Variants in PSG5 observed in about 807,000 individuals in gnomAD.
The protein encoded by PSG5 is pregnancy specific beta-1-glycoprotein 5, also known as pregnancy-specific beta-1-glycoprotein 5.
PSG5 carries 53 observed loss-of-function variants against 37.7 expected under a neutral mutation model. That is an observed-to-expected ratio of 1.41 (90% CI 1.13 to 1.77). PSG5 has a LOEUF of 1.77. Ranked by LOEUF, PSG5 falls within the 40% of genes most tolerant of loss-of-function variation. PSG5 has a pLI of 0.00. For missense variants in PSG5, 547 were observed against 405.2 expected, an observed-to-expected ratio of 1.35 and a Z score of -3.00; for synonymous variants, 221 against 155.4, an observed-to-expected ratio of 1.42 and a Z score of -3.14.
At chr19:43,172,166 T>C (rs1443013116) in intron 4 of PSG5, among the ~76,000 whole-genome samples, 2 of 151,350 alleles carry the variant, frequency 1.3e-5, no homozygotes, top group Non-Finnish European at 2.9e-5. Flanking sequence ...AGTAATAAGA[T>C]TGAATCAATA....
chr19:43,186,531 C>A lies in PSG5; in HGVS notation c.-126G>T, dbSNP rs1244711062. 2.2e-5 allele frequency: 32 copies of A among 1,451,948 alleles called. 1 individual carries two copies. The highest frequency in any genetic ancestry group is 2.8e-5 in the Non-Finnish European group (30 of 1,081,698). The allele number at this position is 1,451,948 out of a possible 1,614,324, so 89.9% of individuals were successfully genotyped here. On this transcript the variant is annotated 5_prime_UTR_variant, in exon 1 of 6. Coordinates refer to ENST00000342951, the MANE Select transcript of PSG5 (RefSeq NM_002781.4). The stretch of plus-strand genomic sequence containing the variant: ...TGAGCCTCTCTCCAGGGCAGGAGCA[C>A]TTCTCAGGCTCATGGGTGGGGTCAG...
At chr19:43,170,170 A>C in intron 4 of PSG5, 32 bp from the exon 5 acceptor site, 1 of 1,541,282 alleles carries the variant, frequency 6.5e-7, no homozygotes, top group Non-Finnish European at 8.9e-7. Context: ...AGAAGGAATG[A>C]AGGTGATGTT....
At chr19:43,174,856 T>A in intron 4 of PSG5, 1 of 1,196,978 alleles carries the variant, frequency 8.4e-7, no homozygotes, top group Admixed American at 3.2e-5. Flanking sequence ...ATGGAATAGG[T>A]ACAAGGAAAC....
chr19:43,179,754 C>A (rs914129794), intron 2 of PSG5, among the ~76,000 whole-genome samples: 2 of 151,606 alleles, frequency 1.3e-5, no homozygotes, highest in African/African-American at 2.4e-5. Flanking sequence ...GCAGTTTTCC[C>A]AGGTGTCTCA....
At chr19:43,185,754 T>G (rs1966922072) in intron 1 of PSG5, among the ~76,000 whole-genome samples, 1 of 151,484 alleles carries the variant, frequency 6.6e-6, no homozygotes, top group South Asian at 2.1e-4. Flanking sequence ...TTTCCCCCAA[T>G]TGTTGAGGAT....
At chr19:43,178,564 G>A (rs7250281) in intron 2 of PSG5, among the ~76,000 whole-genome samples, 2 of 150,098 alleles carry the variant, frequency 1.3e-5, no homozygotes, top group Non-Finnish European at 3.0e-5. Context: ...GTGACCCTGT[G>A]AGCCAAGTCG....
At chr19:43,180,889 T>A (rs1337176664) in intron 2 of PSG5, among the ~76,000 whole-genome samples, 2 of 151,508 alleles carry the variant, frequency 1.3e-5, no homozygotes, top group Non-Finnish European at 2.9e-5. Flanking sequence ...AGAAGTGATG[T>A]GTGTTATGTT....
At chr19:43,169,308 G>A (rs760500655) in intron 5 of PSG5, among the ~76,000 whole-genome samples, 3 of 151,778 alleles carry the variant, frequency 2.0e-5, no homozygotes, top group Non-Finnish European at 4.4e-5. Context: ...CACATAGGTT[G>A]TGTTCTGAGT....
intron 4 of PSG5, among the ~76,000 whole-genome samples, chr19:43,173,331 G>A (rs1968941765): frequency 6.6e-6 from 1 of 151,554 alleles, no homozygotes; most frequent in South Asian, 2.1e-4. Flanking sequence ...CAAAAGCATA[G>A]GCAACAAATA....
At chr19:43,180,286 G>T (rs188119333) in intron 2 of PSG5, 1 of 151,512 alleles carries the variant, frequency 6.6e-6, no homozygotes, top group African/African-American at 2.4e-5. Context: ...GTGCAGCCTC[G>T]TGCCTATACT....
At chr19:43,177,400 TC>T (rs1969033791) in intron 2 of PSG5, among the ~76,000 whole-genome samples, 1 of 151,564 alleles carries the variant, frequency 6.6e-6, no homozygotes, top group Non-Finnish European at 1.5e-5. Context: ...TGGTTTAGCA[TC>T]CCAAATCTGA....
Position 43,184,956 on chromosome 19 carries a change from C to T in PSG5, c.256G>A (p.Gly86Ser), listed in dbSNP as rs776135116. Reference sequence around the variant, plus strand: ...GCAGGCCCATATATATTTATTTGACCGTCTACTACATATGATGTAATGTAA... The same window carrying T: ...GCAGGCCCATATATATTTATTTGACTGTCTACTACATATGATGTAATGTAA... ...YHYITSYVVD[G>S]QINIYGPAYT... The change falls in exon 2 of 6, where the codon GGT becomes AGT. Residue 86 changes from glycine to serine, a missense_variant. Coordinates refer to ENST00000342951, the MANE Select transcript of PSG5 (RefSeq NM_002781.4). 2.3e-4 allele frequency: 371 copies of T among 1,612,188 alleles called. 4 individuals carry two copies. The highest frequency in any genetic ancestry group is 8.2e-4 in the Middle Eastern group (5 of 6,074).
chr19:43,169,391 G>A (rs991680854), intron 5 of PSG5, among the ~76,000 whole-genome samples: 9 of 151,666 alleles, frequency 5.9e-5, no homozygotes, highest in South Asian at 2.1e-4. Flanking sequence ...GAAGGGTGTC[G>A]TTAAGTCTGC....
intron 4 of PSG5, chr19:43,171,415 T>G (rs1337198169): frequency 6.2e-6 from 1 of 161,224 alleles, no homozygotes; most frequent in Non-Finnish European, 1.3e-5. Context: ...ACTCTTACAT[T>G]AAAAAAGAAG....
At chr19:43,184,043 A>T (rs1175621007) in intron 2 of PSG5, among the ~76,000 whole-genome samples, 2 of 151,704 alleles carry the variant, frequency 1.3e-5, no homozygotes, top group African/African-American at 4.9e-5. Flanking sequence ...TTTACGTCAG[A>T]TCCCTGTGGA....
chr19:43,175,878 T>G lies in PSG5; in HGVS notation c.701A>C (p.Asn234Thr), dbSNP rs183149613. 6.2e-7 allele frequency: 1 copy of G among 1,612,504 alleles called. No individual in the cohort carries two copies. The highest frequency in any genetic ancestry group is 8.5e-7 in the Non-Finnish European group (1 of 1,179,146). ...GAACAAAAGATACTCACAGAGGACA[T>G]TCAGGGTGACTGGGTCACTGCGCAT... ...GGMRSDPVTL[N>T]VLYGPDLPSI... The change falls in exon 3 of 6, where the codon AAT becomes ACT. Residue 234 changes from asparagine to threonine, a missense_variant. Transcript: ENST00000342951.
At chr19:43,173,810 G>C (rs530155986) in intron 4 of PSG5, among the ~76,000 whole-genome samples, 4 of 151,506 alleles carry the variant, frequency 2.6e-5, no homozygotes, top group East Asian at 1.9e-4. Flanking sequence ...TGGTGTGGCT[G>C]TTTCTCAAAA....
intron 2 of PSG5, among the ~76,000 whole-genome samples, chr19:43,178,249 A>G (rs1267778470): frequency 1.3e-5 from 2 of 151,328 alleles, no homozygotes; most frequent in Non-Finnish European, 2.9e-5. Context: ...CCTCTTGATT[A>G]TGAGATTTGT....
intron 4 of PSG5, chr19:43,174,985 C>A: frequency 7.2e-7 from 1 of 1,396,532 alleles, no homozygotes; most frequent in Non-Finnish European, 9.5e-7. Flanking sequence ...GCTGATAAAG[C>A]CCCCTCCCTA....
Sources: gnomAD v4.1 joint callset for allele counts (sites outside exome capture counted in the v4.1 genomes callset) on GRCh38, gnomAD v4.1.1 for gene constraint, MANE v1.5 for transcripts, NCBI Gene and HGNC (gene_info 2026-07-23, HGNC 2026-07-21) for gene names.